The following IRAK3 variants were observed in gnomAD, a reference collection of about 807,000 sequenced individuals.
IRAK3 encodes interleukin 1 receptor associated kinase 3.
Under a neutral mutation model 56.6 loss-of-function variants are expected in IRAK3, and 57 were observed. The observed-to-expected ratio is 1.01, with a 90% confidence interval of 0.81 to 1.26. IRAK3 has a LOEUF of 1.26. Among genes scored for constraint, IRAK3 ranks in the 50% most tolerant of loss-of-function variants. The pLI, the probability that IRAK3 is intolerant of heterozygous loss-of-function variation, is 0.00. For missense variants in IRAK3, 703 were observed against 719.0 expected, an observed-to-expected ratio of 0.98 and a Z score of 0.25; for synonymous variants, 258 against 255.7, an observed-to-expected ratio of 1.01 and a Z score of -0.09.
At chr12:66,225,241 A>G (rs977265077) in intron 6 of IRAK3, among the ~76,000 whole-genome samples, 4 of 152,194 alleles carry the variant, frequency 2.6e-5, no homozygotes, top group Non-Finnish European at 4.4e-5. Context: ...TGTGAAATAC[A>G]CTACCTCAAT....
intron 1 of IRAK3, among the ~76,000 whole-genome samples, chr12:66,202,344 T>C (rs1042605735): frequency 6.6e-6 from 1 of 152,060 alleles, no homozygotes. Flanking sequence ...CTATACACCA[T>C]TGTCCAATCA....
chr12:66,207,357 A>C (rs1242393704), intron 2 of IRAK3, among the ~76,000 whole-genome samples: 1 of 152,080 alleles, frequency 6.6e-6, no homozygotes, highest in Admixed American at 6.5e-5. Flanking sequence ...CTGTAGTTGC[A>C]GCTATTCAGG....
At chr12:66,204,930 A>G (rs1322639589) in intron 2 of IRAK3, among the ~76,000 whole-genome samples, 1 of 152,094 alleles carries the variant, frequency 6.6e-6, no homozygotes, top group Non-Finnish European at 1.5e-5. Context: ...CCATGATATT[A>G]TTCATATAAC....
intron 8 of IRAK3, among the ~76,000 whole-genome samples, chr12:66,231,944 T>C (rs908825298): frequency 1.3e-5 from 2 of 152,186 alleles, no homozygotes; most frequent in African/African-American, 4.8e-5. Flanking sequence ...CTAGAGTCTC[T>C]TAGGTGGTCT....
Position 66,247,864 on chromosome 12 carries a change from G to T in IRAK3, c.1484G>T (p.Gly495Val). 1 of 1,614,200 alleles carries T rather than the reference G, an allele frequency of 6.2e-7. No individual in the cohort carries two copies. Among genetic ancestry groups the T allele is most frequent in the Non-Finnish European group, 8.5e-7 (1 of 1,180,028 alleles). The change falls in exon 12 of 12, where the codon GGC becomes GTC. Residue 495 changes from glycine (G) to valine (V), a missense_variant. By Grantham distance (109) the Gly-to-Val change is moderately radical. Transcript: ENST00000261233. ...QNNNLLPSDEGLRIDRMTQKT... is the reference protein window; with the variant it reads ...QNNNLLPSDEVLRIDRMTQKT... ...AACAATTTACTACCTTCTGATGAAG[G>T]CCTGAGGATAGACAGAATGACTCAG...
At chr12:66,201,956 G>A (rs1450536493) in intron 1 of IRAK3, among the ~76,000 whole-genome samples, 2 of 152,158 alleles carry the variant, frequency 1.3e-5, no homozygotes, top group Non-Finnish European at 2.9e-5. Flanking sequence ...AACTGGATGC[G>A]CTTATGCTAA....
At chr12:66,242,838 C>T (rs1337150678) in intron 8 of IRAK3, among the ~76,000 whole-genome samples, 1 of 152,176 alleles carries the variant, frequency 6.6e-6, no homozygotes, top group East Asian at 1.9e-4. Flanking sequence ...CTTCGGGAGG[C>T]CGAGGCGGGT....
At chr12:66,226,986 G>T (rs535361147) in intron 7 of IRAK3, 149 bp downstream of exon 7, 12 of 676,442 alleles carry the variant, frequency 1.8e-5, no homozygotes, top group Middle Eastern at 2.5e-4. Context: ...GTACTTCTTG[G>T]ATTAATTTCT....
Position 66,244,623 on chromosome 12 carries a change from C to T in IRAK3, c.1025C>T (p.Pro342Leu). 10 of 1,613,816 alleles carry T rather than the reference C, an allele frequency of 6.2e-6. No homozygotes were observed. Among genetic ancestry groups the T allele is most frequent in the East Asian group, 4.5e-5 (2 of 44,874 alleles). ...AGCAGTAAACATCTGTGGTACATGC[C>T]AGAAGAGTACATCAGACAGGGGAAA... Reference protein sequence around the residue: ...SSSSKHLWYMPEEYIRQGKLS... With the variant: ...SSSSKHLWYMLEEYIRQGKLS... Residue 342 changes from proline to leucine, a missense_variant, in exon 9 of 12, where the codon CCA becomes CTA. By Grantham distance (98) the Pro-to-Leu change is moderately conservative. Coordinates refer to ENST00000261233, the MANE Select transcript of IRAK3 (RefSeq NM_007199.3).
intron 5 of IRAK3, 80 bp downstream of exon 5, chr12:66,211,677 C>T: frequency 8.0e-7 from 1 of 1,247,764 alleles, no homozygotes; most frequent in Non-Finnish European, 1.2e-6. Context: ...CATTTTTCAT[C>T]AACATTGAAA....
chr12:66,229,572 C>T (rs761299581), intron 8 of IRAK3, among the ~76,000 whole-genome samples: 1 of 152,092 alleles, frequency 6.6e-6, no homozygotes, highest in Non-Finnish European at 1.5e-5. Flanking sequence ...TCTAGAGGGG[C>T]GGGGTGACCT....
Position 66,210,325 on chromosome 12 carries a change from T to A in IRAK3, c.436+124T>A, listed in dbSNP as rs893111343. The A allele has an allele frequency of 2.2e-5, 14 of 651,016 alleles. No homozygotes were observed. In the African/African-American group the frequency reaches 2.2e-4, roughly 10 times the overall value. The allele number at this position is 651,016 out of a possible 1,614,324, so 40.3% of individuals were successfully genotyped here. A position where few individuals can be genotyped will look rare whatever the true frequency, so the allele number is the denominator to read the frequency against. On this transcript the variant is annotated intron_variant, in intron 4 of 11. Coordinates refer to ENST00000261233, the MANE Select transcript of IRAK3 (RefSeq NM_007199.3). ...TTATATTCAAATTCGGTATAAAATT[T>A]CATAGATATTAAAATAACTTCAATT...
At chr12:66,234,238 G>T in intron 8 of IRAK3, 1 of 1,613,640 alleles carries the variant, frequency 6.2e-7, no homozygotes, top group East Asian at 2.2e-5. Context: ...TGTATGTTCC[G>T]GTGCTGCCTA....
intron 11 of IRAK3, among the ~76,000 whole-genome samples, chr12:66,246,348 AT>A (rs2136954315): frequency 6.6e-6 from 1 of 152,328 alleles, no homozygotes; most frequent in East Asian, 1.9e-4. Context: ...AGTGGTTAAA[AT>A]AATAGAAGCT....
At chr12:66,216,528 A>T (rs1026796162) in intron 5 of IRAK3, among the ~76,000 whole-genome samples, 21 of 152,184 alleles carry the variant, frequency 1.4e-4, no homozygotes, top group African/African-American at 5.1e-4. Flanking sequence ...TAGAAGTTGG[A>T]AACCTGAGAT....
In IRAK3 at chr12:66,215,788, A is replaced by ACGTGCACGTGCGCGCGCGCGCGCGCGCG. The variant is rs375264640; in HGVS notation, c.589-1382_589-1381insGTGCACGTGCGCGCGCGCGCGCGCGCGC. On this transcript the variant is annotated intron_variant, in intron 5 of 11. Coordinates refer to ENST00000261233, the MANE Select transcript of IRAK3 (RefSeq NM_007199.3). ...CGCCCCCTATTTTAACCCAACATGCACACACACACACACACACACACACAC... is the reference window on the plus strand; with the variant it reads ...CGCCCCCTATTTTAACCCAACATGCACGTGCACGTGCGCGCGCGCGCGCGCGCGCACACACACACACACACACACACAC... 2.2e-3 allele frequency among the ~76,000 whole-genome samples: 287 copies of ACGTGCACGTGCGCGCGCGCGCGCGCGCG among 131,670 alleles called. 4 individuals carry two copies. Among genetic ancestry groups the ACGTGCACGTGCGCGCGCGCGCGCGCGCG allele is most frequent in the African/African-American group, 7.9e-3 (280 of 35,530 alleles). The allele number at this position is 131,670 out of a possible 152,430, so 86.4% of individuals were successfully genotyped here.
At chr12:66,228,182 C>A in intron 7 of IRAK3, 70 bp from the exon 8 acceptor site, 2 of 1,055,906 alleles carry the variant, frequency 1.9e-6, no homozygotes, top group Non-Finnish European at 3.0e-6. Context: ...TGGTGTATGT[C>A]TGCATAATGA....
chr12:66,204,775 T>TGTGC (rs1555202788), intron 2 of IRAK3, among the ~76,000 whole-genome samples: 1 of 87,782 alleles, frequency 1.1e-5, no homozygotes, highest in African/African-American at 4.6e-5. Context: ...CATGAGCCCT[T>TGTGC]GCGCACACAC....
At chr12:66,223,552 G>A (rs572016066) in intron 6 of IRAK3, among the ~76,000 whole-genome samples, 84 of 150,790 alleles carry the variant, frequency 5.6e-4, no homozygotes, top group African/African-American at 1.9e-3. Context: ...CCAGCTACTC[G>A]GGAGGCTGAG....
Sources: gnomAD v4.1 joint callset for allele counts (sites outside exome capture counted in the v4.1 genomes callset) on GRCh38, gnomAD v4.1.1 for gene constraint, MANE v1.5 for transcripts, NCBI Gene and HGNC (gene_info 2026-07-23, HGNC 2026-07-21) for gene names.